CLK4: variants seen among roughly 807,000 people sequenced by gnomAD.
CLK4 encodes the protein CDC like kinase 4, also known as dual specificity protein kinase CLK4.
CLK4 carries 37 observed loss-of-function variants against 64.4 expected under a neutral mutation model. The ratio of observed to expected loss-of-function variants is 0.57; its 90% CI spans 0.44 to 0.76. CLK4 has a LOEUF of 0.76. Ranked by LOEUF, CLK4 falls within the 30% of genes least tolerant of loss-of-function variation. The pLI is 0.00. For synonymous variants in CLK4, 175 were observed against 191.6 expected, an observed-to-expected ratio of 0.91 and a Z score of 0.72; for missense variants, 457 against 605.1, an observed-to-expected ratio of 0.76 and a Z score of 2.57.
At chr5:178,609,315 A>G (rs377100637) in intron 9 of CLK4, among the ~76,000 whole-genome samples, 6 of 152,252 alleles carry the variant, frequency 3.9e-5, no homozygotes, top group East Asian at 3.8e-4. Flanking sequence ...AATATATTCA[A>G]GTCAATATAT....
intron 12 of CLK4, 34 bp downstream of exon 12, chr5:178,603,810 T>A (rs1405729155): frequency 3.2e-6 from 5 of 1,586,624 alleles, no homozygotes; most frequent in Non-Finnish European, 4.3e-6. Flanking sequence ...TGCAAACACG[T>A]GGTTTATTTA....
In CLK4 at chr5:178,622,421, ATT is replaced by A. The variant is rs1286664906; in HGVS notation, c.161+833_161+834del. ...TTTTTAAAGTAACCCCAGCTGGCTA[ATT>A]TAGAAAGCAATCTGGTAAACAGTCC... On this transcript the variant is annotated intron_variant, in intron 2 of 12. Transcript: ENST00000316308. 7 of 986,748 alleles carry A rather than the reference ATT, an allele frequency of 7.1e-6. No homozygotes were observed. In the African/African-American group the frequency reaches 1.2e-4, roughly 17 times the overall value. 61.1% of individuals were successfully genotyped at this position (986,748 alleles called of 1,614,324 possible). A position where few individuals can be genotyped will look rare whatever the true frequency, so the allele number is the denominator to read the frequency against.
chr5:178,613,015 G>GT (rs892184282), intron 7 of CLK4, 125 bp from the exon 8 acceptor site: 2 of 511,702 alleles, frequency 3.9e-6, no homozygotes, highest in Non-Finnish European at 7.1e-6. Context: ...TAAAATGTCT[G>GT]TTTTTTTAGT....
intron 11 of CLK4, chr5:178,604,140 C>T: frequency 2.7e-6 from 1 of 373,424 alleles, no homozygotes; most frequent in Non-Finnish European, 4.8e-6. Flanking sequence ...AGTCTCTCAA[C>T]TAAGTTGTTC....
intron 7 of CLK4, among the ~76,000 whole-genome samples, chr5:178,613,191 G>A (rs1311561853): frequency 6.6e-6 from 1 of 152,138 alleles, no homozygotes; most frequent in African/African-American, 2.4e-5. Context: ...GGGAGGCCGA[G>A]GGGGGCAATC....
chr5:178,620,691 A>G (rs948792301), intron 2 of CLK4: 1 of 381,898 alleles, frequency 2.6e-6, no homozygotes, highest in African/African-American at 2.1e-5. Flanking sequence ...AGATAAAAAA[A>G]AAATTATATA....
In CLK4 at chr5:178,623,297, G is replaced by A. The variant is rs146643206; in HGVS notation, c.120C>T (p.Asn40=). 2.5e-6 allele frequency: 4 copies of A among 1,613,768 alleles called. No individual in the cohort carries two copies. In the African/African-American group the frequency reaches 4.0e-5, roughly 16 times the overall value. The change falls in exon 2 of 13, where the codon AAC becomes AAT. Residue 40 remains asparagine (N), a synonymous_variant. Coordinates refer to ENST00000316308, the MANE Select transcript of CLK4 (RefSeq NM_020666.3). ...KRRSHSSTQE[N]RHCKPHHQFK... ...ACTGGTGATGTGGTTTACAATGCCT[G>A]TTCTCTTGTGTGCTACTATGAGATC...
Position 178,603,887 on chromosome 5 carries a change from C to T in CLK4, c.1262G>A (p.Ser421Asn). The T allele has an allele frequency of 6.2e-7, 1 of 1,611,026 alleles. No homozygotes were observed. The highest frequency in any genetic ancestry group is 8.5e-7 in the Non-Finnish European group (1 of 1,179,276). Residue 421 changes from serine to asparagine, a missense_variant, in exon 12 of 13, where the codon AGT becomes AAT. By Grantham distance (46) the Ser-to-Asn change is conservative. Transcript: ENST00000316308. ...HHNQLDWDEH[S>N]SAGRYVRRRC... ...TCTCCTAACATATCTACCAGCAGAACTGTGTTCATCCCAATCTAGCTGGTT... is the reference window on the plus strand; with the variant it reads ...TCTCCTAACATATCTACCAGCAGAATTGTGTTCATCCCAATCTAGCTGGTT...
Position 178,617,566 on chromosome 5 carries a change from T to C in CLK4, c.385-132A>G, listed in dbSNP as rs1764643112. 4.2e-6 allele frequency: 4 copies of C among 952,732 alleles called. No individual in the cohort carries two copies. The highest frequency in any genetic ancestry group is 2.9e-4 in the Middle Eastern group (1 of 3,436). The allele number at this position is 952,732 out of a possible 1,614,324, so 59.0% of individuals were successfully genotyped here. A position where few individuals can be genotyped will look rare whatever the true frequency, so the allele number is the denominator to read the frequency against. ...CAGATAAGCACCAGGCCACGAACAG[T>C]TGGCAGGAGCAATTTCAAATTCAGT... On this transcript the variant is annotated intron_variant, in intron 3 of 12. Coordinates refer to ENST00000316308, the MANE Select transcript of CLK4 (RefSeq NM_020666.3). The surrounding 1 kb of genome is among the most constrained non-coding windows in gnomAD (Gnocchi z 5.2).
Position 178,603,589 on chromosome 5 carries a change from G to A in CLK4, c.*28C>T. ...GTCTTAAGTAATCTCTTCTAGAGAAGTATATAGTAAGACCACTGATTCCCA... is the reference window on the plus strand; with the variant it reads ...GTCTTAAGTAATCTCTTCTAGAGAAATATATAGTAAGACCACTGATTCCCA... On this transcript the variant is annotated 3_prime_UTR_variant, in exon 13 of 13. Transcript: ENST00000316308. 6.7e-7 allele frequency: 1 copy of A among 1,503,200 alleles called. No homozygotes were observed. The highest frequency in any genetic ancestry group is 8.9e-7 in the Non-Finnish European group (1 of 1,121,290). 93.1% of individuals were successfully genotyped at this position (1,503,200 alleles called of 1,614,324 possible).
chr5:178,608,573 A>C, intron 9 of CLK4, 115 bp from the exon 10 acceptor site: 1 of 656,678 alleles, frequency 1.5e-6, no homozygotes. Flanking sequence ...AGAATAAGAC[A>C]CCAAATTCAG....
At chr5:178,620,669 A>G in intron 2 of CLK4, 1 of 441,422 alleles carries the variant, frequency 2.3e-6, no homozygotes, top group Non-Finnish European at 4.6e-6. Context: ...ATATCCACAC[A>G]GGTCCTGTGG....
intron 8 of CLK4, 102 bp from the exon 9 acceptor site, chr5:178,612,647 G>A (rs915597328): frequency 3.0e-6 from 4 of 1,311,576 alleles, no homozygotes; most frequent in African/African-American, 2.9e-5. Context: ...GTCAAAGTAA[G>A]CTCATGAGAA....
chr5:178,609,544 G>A (rs911208540), intron 9 of CLK4, among the ~76,000 whole-genome samples: 59 of 152,090 alleles, frequency 3.9e-4, no homozygotes, highest in Admixed American at 1.9e-3. Flanking sequence ...TTAGCTGGGC[G>A]TGGTGGCAGA....
chr5:178,613,711 T>C lies in CLK4; in HGVS notation c.659+16A>G, dbSNP rs773617125. On this transcript the variant is annotated intron_variant, in intron 6 of 12. Transcript: ENST00000316308. ...TTCATGTAATATGATGGCTCCTAGG[T>C]GAAAGTTATACTTACAAGACACTAT... is the stretch of plus-strand genomic sequence containing the variant. The C allele has an allele frequency of 6.8e-6, 11 of 1,608,226 alleles. No homozygotes were observed. The African/African-American group carries it at 1.5e-4, about 22-fold the overall frequency.
intron 9 of CLK4, among the ~76,000 whole-genome samples, chr5:178,609,543 C>T (rs771188357): frequency 3.9e-5 from 6 of 151,918 alleles, no homozygotes; most frequent in Admixed American, 2.6e-4. Flanking sequence ...ATTAGCTGGG[C>T]GTGGTGGCAG....
At position 178,618,643 on chromosome 5, in the gene CLK4, G is replaced by A. The variant is rs139072775; in HGVS notation, c.297C>T (p.Ile99=). ...YHRDIESGYR[I]HCSKSSVRSR... ...TGCGGACTGAAGATTTACTGCAGTGGATTCGATACCCGCTTTCAATGTCTC... is the reference window on the plus strand; with the variant it reads ...TGCGGACTGAAGATTTACTGCAGTGAATTCGATACCCGCTTTCAATGTCTC... The change falls in exon 3 of 13, where the codon ATC becomes ATT. Residue 99 remains isoleucine, a synonymous_variant. Coordinates refer to ENST00000316308, the MANE Select transcript of CLK4 (RefSeq NM_020666.3). The A allele has an allele frequency of 1.3e-3, 2,100 of 1,614,042 alleles. 37 individuals carry two copies. In the Admixed American group the frequency reaches 0.03, roughly 23 times the overall value.
intron 11 of CLK4, chr5:178,604,647 G>C: frequency 6.6e-6 from 1 of 151,950 alleles, no homozygotes; most frequent in East Asian, 1.9e-4. Context: ...GATCCCTCAC[G>C]TGCGCAGTTC....
At chr5:178,618,825 TA>T (rs1562130143) in intron 2 of CLK4, 47 bp from the exon 3 acceptor site, 1 of 1,480,354 alleles carries the variant, frequency 6.8e-7, no homozygotes, top group East Asian at 2.3e-5. Context: ...CATTCTGCAA[TA>T]ATGTGGTTCA....
Sources: allele counts gnomAD v4.1 joint callset (sites outside exome capture counted in the v4.1 genomes callset), GRCh38; gene constraint gnomAD v4.1.1; non-coding constraint Gnocchi (gnomAD v3.1); transcripts MANE v1.5; gene names NCBI Gene and HGNC (gene_info 2026-07-23, HGNC 2026-07-21).